ITGBL1: variants seen among roughly 807,000 people sequenced by gnomAD.
ITGBL1 encodes integrin subunit beta like 1, also known as integrin beta-like protein 1.
Under a neutral mutation model 68.5 loss-of-function variants are expected in ITGBL1, and 51 were observed. That is an observed-to-expected ratio of 0.74 (90% CI 0.59 to 0.94). ITGBL1 has a LOEUF of 0.94. ITGBL1 is among the 40% of genes least tolerant of loss of function. The probability of loss-of-function intolerance (pLI) is 0.00; values close to 1 mark genes in which losing one functional copy is unlikely to be tolerated. For synonymous variants in ITGBL1, 209 were observed against 227.3 expected (o/e 0.92, Z 0.72); for missense variants, 649 against 647.4 (o/e 1.00, Z -0.03).
intron 10 of ITGBL1, chr13:101,715,241 T>G (rs2034663786): frequency 4.3e-6 from 1 of 233,116 alleles, no homozygotes; most frequent in Non-Finnish European, 8.4e-6. Flanking sequence ...CCTTATGTTT[T>G]TCTGTATTTA....
At chr13:101,660,393 C>A (rs2033052182) in intron 7 of ITGBL1, among the ~76,000 whole-genome samples, 1 of 152,046 alleles carries the variant, frequency 6.6e-6, no homozygotes, top group South Asian at 2.1e-4. Flanking sequence ...TTGGCAAATG[C>A]TGGTGGGGCC....
intron 3 of ITGBL1, among the ~76,000 whole-genome samples, chr13:101,571,937 T>A (rs773754454): frequency 3.9e-5 from 6 of 152,202 alleles, no homozygotes; most frequent in Non-Finnish European, 8.8e-5. Flanking sequence ...GTCAGTATTT[T>A]GGATTGTAAA....
intron 4 of ITGBL1, among the ~76,000 whole-genome samples, chr13:101,577,231 A>G (rs1259801718): frequency 6.6e-6 from 1 of 152,214 alleles, no homozygotes; most frequent in Non-Finnish European, 1.5e-5. Flanking sequence ...TCCATGTGTC[A>G]TTCACATGAA....
intron 3 of ITGBL1, among the ~76,000 whole-genome samples, chr13:101,568,288 A>T (rs2050214350): frequency 6.6e-6 from 1 of 152,202 alleles, no homozygotes; most frequent in Admixed American, 6.5e-5. Context: ...TCTTTGAAGG[A>T]TACAGTCACA....
intron 7 of ITGBL1, among the ~76,000 whole-genome samples, chr13:101,606,493 CA>C: frequency 6.6e-6 from 1 of 151,908 alleles, no homozygotes; most frequent in South Asian, 2.1e-4. Flanking sequence ...GTGTTGTGCT[CA>C]AAAACTATAA....
At chr13:101,485,091 G>A (rs2048682328) in intron 2 of ITGBL1, among the ~76,000 whole-genome samples, 1 of 152,166 alleles carries the variant, frequency 6.6e-6, no homozygotes, top group Non-Finnish European at 1.5e-5. Flanking sequence ...AAGAAAAAAT[G>A]TAAACCTAGA....
intron 7 of ITGBL1, among the ~76,000 whole-genome samples, chr13:101,686,251 C>T (rs185749094): frequency 1.1e-4 from 17 of 152,242 alleles, no homozygotes; most frequent in Admixed American, 1.1e-3. Flanking sequence ...TCTAACTAAG[C>T]CTCCTTTTCC....
chr13:101,499,126 C>T (rs1466379852), intron 2 of ITGBL1, among the ~76,000 whole-genome samples: 6 of 152,146 alleles, frequency 3.9e-5, no homozygotes, highest in African/African-American at 1.4e-4. Context: ...TCTGAATGTC[C>T]TCTTCAGGCA....
intron 2 of ITGBL1, among the ~76,000 whole-genome samples, chr13:101,464,980 A>G (rs2048364395): frequency 6.6e-6 from 1 of 152,142 alleles, no homozygotes; most frequent in African/African-American, 2.4e-5. Context: ...ATTGGGGAAT[A>G]CTTTTGTGTC....
At chr13:101,677,097 C>T (rs2033523111) in intron 7 of ITGBL1, among the ~76,000 whole-genome samples, 1 of 152,158 alleles carries the variant, frequency 6.6e-6, no homozygotes, top group African/African-American at 2.4e-5. Context: ...GCACTCCAGC[C>T]TGGGCGACAG....
At chr13:101,662,882 A>G (rs2033123859) in intron 7 of ITGBL1, among the ~76,000 whole-genome samples, 1 of 151,836 alleles carries the variant, frequency 6.6e-6, no homozygotes, top group African/African-American at 2.4e-5. Context: ...TGATTTTTTG[A>G]CTATTCGCTT....
At chr13:101,640,159 T>C (rs1041808689) in intron 7 of ITGBL1, among the ~76,000 whole-genome samples, 2 of 152,182 alleles carry the variant, frequency 1.3e-5, no homozygotes, top group Admixed American at 6.6e-5. Context: ...CAGTGTACAC[T>C]ATTGCTTTTG....
chr13:101,541,808 A>T (rs1475580222), intron 2 of ITGBL1, among the ~76,000 whole-genome samples: 1 of 152,118 alleles, frequency 6.6e-6, no homozygotes, highest in African/African-American at 2.4e-5. Flanking sequence ...CGAGGAATTT[A>T]TCCATTTCTT....
At chr13:101,511,639 C>T (rs1471273186) in intron 2 of ITGBL1, among the ~76,000 whole-genome samples, 2 of 152,134 alleles carry the variant, frequency 1.3e-5, no homozygotes, top group African/African-American at 4.8e-5. Context: ...CTCTCGCCCT[C>T]CTTTCCTGGC....
chr13:101,595,043 C>T (rs1170452762), intron 6 of ITGBL1, among the ~76,000 whole-genome samples: 5 of 152,154 alleles, frequency 3.3e-5, no homozygotes, highest in Admixed American at 2.0e-4. Context: ...CACTGCACTC[C>T]AGCCTGGGCA....
intron 7 of ITGBL1, among the ~76,000 whole-genome samples, chr13:101,686,750 G>A (rs2033763454): frequency 6.6e-6 from 1 of 151,788 alleles, no homozygotes. Context: ...AGTCTGGAAG[G>A]GCTTCAGACG....
chr13:101,481,597 G>A (rs542886453), intron 2 of ITGBL1, among the ~76,000 whole-genome samples: 15 of 152,102 alleles, frequency 9.9e-5, no homozygotes, highest in Admixed American at 8.5e-4. Context: ...TTTTTGGTTT[G>A]AATTTCAAGT....
At chr13:101,476,342 A>C (rs2048536612) in intron 2 of ITGBL1, among the ~76,000 whole-genome samples, 1 of 152,114 alleles carries the variant, frequency 6.6e-6, no homozygotes, top group Non-Finnish European at 1.5e-5. Flanking sequence ...CTGACAGATA[A>C]AAAGTTTAAA....
chr13:101,599,402 T>C (rs1396228052), intron 7 of ITGBL1, among the ~76,000 whole-genome samples: 6 of 150,370 alleles, frequency 4.0e-5, no homozygotes, highest in African/African-American at 1.2e-4. Context: ...TTCACTCTGA[T>C]GGTGGTTTCT....
Sources: allele counts gnomAD v4.1 joint callset (sites outside exome capture counted in the v4.1 genomes callset), GRCh38; gene constraint gnomAD v4.1.1; transcripts MANE v1.5; gene names NCBI Gene and HGNC (gene_info 2026-07-23, HGNC 2026-07-21).